PDZRN4: variants seen among roughly 807,000 people sequenced by gnomAD.
PDZRN4 encodes the protein PDZ domain-containing RING finger protein 4.
A neutral mutation model predicts 99.0 loss-of-function variants in PDZRN4; 70 were observed. That is an observed-to-expected ratio of 0.71 (90% CI 0.58 to 0.86). The LOEUF is 0.86. PDZRN4 is among the 40% of genes least tolerant of loss of function. The pLI is 0.00. For synonymous variants in PDZRN4, 551 were observed against 501.6 expected (o/e 1.10, Z -1.32); for missense variants, 1,474 against 1,331.2 (o/e 1.11, Z -1.67).
chr12:41,394,794 A>T (rs1051560688), intron 3 of PDZRN4, among the ~76,000 whole-genome samples: 3 of 151,808 alleles, frequency 2.0e-5, no homozygotes, highest in Non-Finnish European at 4.4e-5. Context: ...AGAGAGAGAG[A>T]GAGTGAGTGA....
chr12:41,347,731 C>A (rs1951865022), intron 3 of PDZRN4, among the ~76,000 whole-genome samples: 2 of 152,086 alleles, frequency 1.3e-5, no homozygotes, highest in Non-Finnish European at 2.9e-5. Context: ...CTCAAGGTTA[C>A]AAAGACTTAC....
At chr12:41,220,932 T>C (rs1950951432) in intron 3 of PDZRN4, among the ~76,000 whole-genome samples, 2 of 152,184 alleles carry the variant, frequency 1.3e-5, no homozygotes, top group Admixed American at 1.3e-4. Flanking sequence ...TATAACCCAG[T>C]TATGGCTGAG....
intron 3 of PDZRN4, among the ~76,000 whole-genome samples, chr12:41,463,482 C>A (rs183012060): frequency 3.1e-4 from 47 of 151,984 alleles, no homozygotes; most frequent in Admixed American, 2.6e-3. Context: ...CCCTAAGACT[C>A]TTTTTTCCCT....
At chr12:41,444,390 T>TGTAGCTG (rs1952705580) in intron 3 of PDZRN4, among the ~76,000 whole-genome samples, 2 of 152,112 alleles carry the variant, frequency 1.3e-5, no homozygotes, top group African/African-American at 4.8e-5. Context: ...AAGAGCTCCC[T>TGTAGCTG]GTAGCTGGTA....
intron 3 of PDZRN4, among the ~76,000 whole-genome samples, chr12:41,484,567 G>C (rs1331263853): frequency 6.6e-6 from 1 of 152,122 alleles, no homozygotes; most frequent in Non-Finnish European, 1.5e-5. Flanking sequence ...AATGCATACA[G>C]GATATTTAAC....
At chr12:41,480,616 A>ATATCATAAAAT (rs2120597149) in intron 3 of PDZRN4, among the ~76,000 whole-genome samples, 1 of 152,312 alleles carries the variant, frequency 6.6e-6, no homozygotes, top group African/African-American at 2.4e-5. Context: ...CATATAAACA[A>ATATCATAAAAT]ATCAACATTG....
chr12:41,507,268 A>T (rs555167868), intron 4 of PDZRN4, among the ~76,000 whole-genome samples: 1 of 152,172 alleles, frequency 6.6e-6, no homozygotes. Flanking sequence ...GTATAGTGCT[A>T]TCAAATAAAG....
chr12:41,497,725 T>C (rs1902905), intron 3 of PDZRN4, among the ~76,000 whole-genome samples: 22,351 of 152,142 alleles, frequency 0.15, 1,720 homozygotes, highest in South Asian at 0.24. Context: ...TGAATTATTA[T>C]GACAAAGATA....
At chr12:41,461,392 C>G (rs752872622) in intron 3 of PDZRN4, among the ~76,000 whole-genome samples, 5 of 152,030 alleles carry the variant, frequency 3.3e-5, no homozygotes, top group Non-Finnish European at 7.4e-5. Flanking sequence ...ACCAAAAAGC[C>G]CCAGGGCATG....
intron 8 of PDZRN4, among the ~76,000 whole-genome samples, chr12:41,567,228 T>C (rs1365274024): frequency 6.6e-6 from 1 of 152,214 alleles, no homozygotes; most frequent in Non-Finnish European, 1.5e-5. Context: ...ACTTAGAATT[T>C]TCCTTTCTTC....
chr12:41,315,609 T>C (rs1951633341), intron 3 of PDZRN4, among the ~76,000 whole-genome samples: 1 of 152,138 alleles, frequency 6.6e-6, no homozygotes, highest in East Asian at 1.9e-4. Context: ...AATGCAGTTT[T>C]GATATAATAA....
chr12:41,248,065 T>TG (rs1442120551), intron 3 of PDZRN4, among the ~76,000 whole-genome samples: 1 of 152,220 alleles, frequency 6.6e-6, no homozygotes, highest in African/African-American at 2.4e-5. Context: ...TGCTAGTTGT[T>TG]GCAGGTTCAC....
chr12:41,208,390 C>T (rs1300694525), intron 3 of PDZRN4, among the ~76,000 whole-genome samples: 1 of 151,912 alleles, frequency 6.6e-6, no homozygotes, highest in Non-Finnish European at 1.5e-5. Context: ...AAGAAATCTT[C>T]ATCTTCATGT....
intron 3 of PDZRN4, among the ~76,000 whole-genome samples, chr12:41,258,336 AG>A (rs1951216801): frequency 6.6e-6 from 1 of 152,158 alleles, no homozygotes; most frequent in Non-Finnish European, 1.5e-5. Context: ...TTTGGTAAAT[AG>A]AAGGAGGGAG....
chr12:41,488,108 A>G (rs1178686918), intron 3 of PDZRN4, among the ~76,000 whole-genome samples: 2 of 152,168 alleles, frequency 1.3e-5, no homozygotes, highest in East Asian at 1.9e-4. Context: ...TATTATTTTA[A>G]TCCGGCAATG....
Position 41,207,969 on chromosome 12 carries a change from T to C in PDZRN4, c.843+13781T>C, listed in dbSNP as rs947394720. On this transcript the variant is annotated intron_variant, in intron 3 of 9. Coordinates refer to ENST00000402685, the MANE Select transcript of PDZRN4 (RefSeq NM_001164595.2). ...TACAGTTTACAAAAAAAAAAATCAA[T>C]GAAATATAGTGATCATTATGTGTTT... 8.6e-5 allele frequency among the ~76,000 whole-genome samples: 13 copies of C among 151,476 alleles called. No homozygotes were observed. The East Asian group carries it at 1.9e-3, about 23-fold the overall frequency.
At chr12:41,563,438 T>C (rs970090368) in intron 7 of PDZRN4, 110 bp from the exon 8 acceptor site, 5 of 767,368 alleles carry the variant, frequency 6.5e-6, no homozygotes, top group African/African-American at 3.4e-5. Context: ...GAGCCCATTG[T>C]GTGAGCTTCA....
intron 3 of PDZRN4, among the ~76,000 whole-genome samples, chr12:41,306,596 C>A (rs550876195): frequency 6.6e-6 from 1 of 152,152 alleles, no homozygotes; most frequent in Non-Finnish European, 1.5e-5. Flanking sequence ...CTGTTCTTTT[C>A]TGAACATGCT....
At chr12:41,292,764 T>C (rs973324729) in intron 3 of PDZRN4, among the ~76,000 whole-genome samples, 19 of 152,182 alleles carry the variant, frequency 1.2e-4, no homozygotes, top group African/African-American at 4.6e-4. Context: ...ACGTTCACTT[T>C]AGTAAGATTC....
Sources: gnomAD v4.1 joint callset for allele counts (sites outside exome capture counted in the v4.1 genomes callset) on GRCh38, gnomAD v4.1.1 for gene constraint, MANE v1.5 for transcripts, NCBI Gene and HGNC (gene_info 2026-07-23, HGNC 2026-07-21) for gene names.